The following MED27 variants were observed in gnomAD, a reference collection of about 807,000 sequenced individuals.
The protein encoded by MED27 is mediator complex subunit 27, also known as mediator of RNA polymerase II transcription subunit 27.
MED27 carries 30 observed loss-of-function variants against 38.2 expected under a neutral mutation model. The observed-to-expected ratio is 0.79, with a 90% CI of 0.59 to 1.07. MED27 has a LOEUF of 1.07. MED27 is among the 50% of genes least tolerant of loss of function. The pLI, the probability that MED27 is intolerant of heterozygous loss-of-function variation, is 0.00. For missense variants in MED27, 289 were observed against 397.5 expected, an observed-to-expected ratio of 0.73 and a Z score of 2.32; for synonymous variants, 122 against 153.5, an observed-to-expected ratio of 0.79 and a Z score of 1.52.
At chr9:131,911,922 G>A (rs1830196640) in intron 4 of MED27, among the ~76,000 whole-genome samples, 1 of 152,122 alleles carries the variant, frequency 6.6e-6, no homozygotes, top group African/African-American at 2.4e-5. Context: ...GTCAAACACA[G>A]ACATGCATGG....
intron 2 of MED27, among the ~76,000 whole-genome samples, chr9:132,071,699 A>G (rs1833942292): frequency 1.3e-5 from 2 of 151,930 alleles, no homozygotes; most frequent in Admixed American, 6.6e-5. Flanking sequence ...TACGAGTAAC[A>G]CGCGTCCATG....
intron 2 of MED27, among the ~76,000 whole-genome samples, chr9:132,070,834 C>A (rs184759528): frequency 2.1e-3 from 323 of 152,096 alleles, no homozygotes; most frequent in Non-Finnish European, 3.7e-3. Context: ...ACCTCCACCC[C>A]CAGGTTCTGT....
chr9:131,969,944 A>G (rs1019833733), intron 3 of MED27, among the ~76,000 whole-genome samples: 7 of 152,168 alleles, frequency 4.6e-5, no homozygotes, highest in Non-Finnish European at 7.4e-5. Context: ...ACCCAGCATC[A>G]GCAGCCATGA....
intron 5 of MED27, among the ~76,000 whole-genome samples, chr9:131,884,974 T>G (rs1333306024): frequency 6.6e-6 from 1 of 152,212 alleles, no homozygotes; most frequent in Non-Finnish European, 1.5e-5. Context: ...TATTATTTCT[T>G]TGTTTACTTG....
chr9:132,045,203 A>G (rs1833303881), intron 2 of MED27, among the ~76,000 whole-genome samples: 1 of 152,214 alleles, frequency 6.6e-6, no homozygotes, highest in South Asian at 2.1e-4. Flanking sequence ...TGTACCAAGT[A>G]TGCCAAGATA....
chr9:131,911,099 T>C (rs1288605311), intron 4 of MED27, among the ~76,000 whole-genome samples: 3 of 152,206 alleles, frequency 2.0e-5, no homozygotes, highest in Non-Finnish European at 4.4e-5. Context: ...TAGACTGGAA[T>C]TTACCTTTCA....
intron 2 of MED27, among the ~76,000 whole-genome samples, chr9:132,057,806 C>T (rs1384699828): frequency 6.6e-6 from 1 of 152,172 alleles, no homozygotes; most frequent in East Asian, 1.9e-4. Context: ...CCTCAGCCCT[C>T]CGTGGTGACA....
At chr9:131,942,428 G>A (rs1399681336) in intron 3 of MED27, among the ~76,000 whole-genome samples, 1 of 152,140 alleles carries the variant, frequency 6.6e-6, no homozygotes, top group Non-Finnish European at 1.5e-5. Context: ...AAATCTATAT[G>A]TGTGGTTTAA....
At chr9:131,876,830 C>T (rs983813531) in intron 6 of MED27, among the ~76,000 whole-genome samples, 2 of 152,232 alleles carry the variant, frequency 1.3e-5, no homozygotes, top group African/African-American at 4.8e-5. Flanking sequence ...TGTCTTGCTA[C>T]ATGAAGCGGC....
chr9:132,079,612 C>G, intron 1 of MED27, 30 bp downstream of exon 1: 1 of 1,610,826 alleles, frequency 6.2e-7, no homozygotes. Flanking sequence ...GGGCCGGTCC[C>G]CGACCCCGGC....
chr9:131,996,405 G>A (rs1830907627), intron 3 of MED27, among the ~76,000 whole-genome samples: 1 of 152,190 alleles, frequency 6.6e-6, no homozygotes, highest in Admixed American at 6.5e-5. Flanking sequence ...AGCTAAGGGT[G>A]AGCCAAATCT....
intron 4 of MED27, among the ~76,000 whole-genome samples, chr9:131,900,087 A>G (rs1300494270): frequency 6.6e-5 from 10 of 152,240 alleles, no homozygotes; most frequent in Admixed American, 6.5e-4. Context: ...GAGCTTGCTC[A>G]CTACTCATGG....
intron 4 of MED27, among the ~76,000 whole-genome samples, chr9:131,912,979 T>C (rs1409492353): frequency 6.6e-6 from 1 of 152,138 alleles, no homozygotes; most frequent in Non-Finnish European, 1.5e-5. Context: ...AACTATAAAA[T>C]CCTCTCTCCC....
At position 131,889,187 on chromosome 9, in the gene MED27, G is replaced by C. The variant is rs140234392; in HGVS notation, c.681+4698C>G. Among the ~76,000 whole-genome samples, 1 of 152,304 alleles carries C rather than the reference G, an allele frequency of 6.6e-6. No individual in the cohort carries two copies. Among genetic ancestry groups the C allele is most frequent in the East Asian group, 1.9e-4 (1 of 5,178 alleles). On this transcript the variant is annotated intron_variant, in intron 5 of 7. Coordinates refer to ENST00000292035, the MANE Select transcript of MED27 (RefSeq NM_004269.4). The surrounding 1 kb of genome is among the most constrained non-coding windows in gnomAD (Gnocchi z 4.2). ...CACATGCACACACACAGCCAACTTT[G>C]AAGTGGGAAGAATGCAGGGATCAGA... is the stretch of plus-strand genomic sequence containing the variant.
At chr9:132,059,997 C>T (rs1366204596) in intron 2 of MED27, among the ~76,000 whole-genome samples, 1 of 152,082 alleles carries the variant, frequency 6.6e-6, no homozygotes, top group African/African-American at 2.4e-5. Context: ...GATGTGGAAA[C>T]TAAGACTCAG....
At chr9:131,892,931 C>T (rs1298061006) in intron 5 of MED27, among the ~76,000 whole-genome samples, 1 of 152,190 alleles carries the variant, frequency 6.6e-6, no homozygotes, top group African/African-American at 2.4e-5. Flanking sequence ...GAGTTGCATC[C>T]CACGTAGACA....
At chr9:131,891,714 C>T (rs574217234) in intron 5 of MED27, among the ~76,000 whole-genome samples, 29 of 152,156 alleles carry the variant, frequency 1.9e-4, no homozygotes, top group East Asian at 7.7e-4. Flanking sequence ...ATCATCCGCT[C>T]GCATGTGTAT....
At chr9:131,979,341 C>T (rs1003006688) in intron 3 of MED27, among the ~76,000 whole-genome samples, 3 of 152,236 alleles carry the variant, frequency 2.0e-5, no homozygotes, top group East Asian at 1.9e-4. Context: ...TCTGCAATCT[C>T]GTTTTAAGCA....
At chr9:131,890,663 T>G (rs1839213473) in intron 5 of MED27, among the ~76,000 whole-genome samples, 1 of 152,230 alleles carries the variant, frequency 6.6e-6, no homozygotes, top group South Asian at 2.1e-4. Flanking sequence ...ACCGTGCTCC[T>G]GGCACAGAAG....
Sources: gnomAD v4.1 joint callset for allele counts (sites outside exome capture counted in the v4.1 genomes callset) on GRCh38, gnomAD v4.1.1 for gene constraint, Gnocchi (gnomAD v3.1) non-coding constraint, MANE v1.5 for transcripts, NCBI Gene and HGNC (gene_info 2026-07-23, HGNC 2026-07-21) for gene names.